Variants in KATNA1 observed in about 807,000 individuals in gnomAD.
The protein encoded by KATNA1 is katanin catalytic subunit A1, also known as katanin p60 ATPase-containing subunit A1.
A neutral mutation model predicts 62.6 loss-of-function variants in KATNA1; 42 were observed. That is an observed-to-expected ratio of 0.67 (90% CI 0.52 to 0.87). The LOEUF (loss-of-function observed/expected upper bound fraction) is 0.87, where lower values mean the gene tolerates loss of function less well. KATNA1 is among the 40% of genes least tolerant of loss of function. The pLI, the probability that KATNA1 is intolerant of heterozygous loss-of-function variation, is 0.00. For synonymous variants in KATNA1, 186 were observed against 201.9 expected (o/e 0.92, Z 0.67); for missense variants, 498 against 612.5 (o/e 0.81, Z 1.97).
chr6:149,606,492 A>G (rs1433685031), intron 4 of KATNA1, among the ~76,000 whole-genome samples: 7 of 152,206 alleles, frequency 4.6e-5, no homozygotes, highest in Non-Finnish European at 8.8e-5. Flanking sequence ...ATTAATGTCC[A>G]GACTTAACCA....
At chr6:149,619,576 G>A (rs1239288879) in intron 4 of KATNA1, among the ~76,000 whole-genome samples, 3 of 151,476 alleles carry the variant, frequency 2.0e-5, no homozygotes, top group Non-Finnish European at 2.9e-5. Context: ...TGATGCCACT[G>A]CACTCCAGCC....
Position 149,623,258 on chromosome 6 carries a change from G to A in KATNA1, c.346C>T (p.Gln116Ter). 3.1e-6 allele frequency: 5 copies of A among 1,599,572 alleles called. No homozygotes were observed. The highest frequency in any genetic ancestry group is 4.2e-6 in the Non-Finnish European group (5 of 1,176,564). The change falls in exon 4 of 11, where the codon CAA becomes TAA. Residue 116 changes from glutamine (Q) to a stop codon, truncating the protein, a stop_gained. Transcript: ENST00000367411. LOFTEE classifies it high-confidence loss of function. ...TTAGGGTCACTGTACTGAGAAGATT[G>A]GCGTTTTCTAGGTCCTGGTGAGGGT... ...RRPSPGPRKR[Q>*]SSQYSDPKSH...
intron 1 of KATNA1, among the ~76,000 whole-genome samples, chr6:149,641,593 C>T (rs1780293846): frequency 6.6e-6 from 1 of 152,126 alleles, no homozygotes; most frequent in Admixed American, 6.6e-5. Context: ...CTGAAATCAT[C>T]TCAACTGAAT....
At chr6:149,623,021 A>G (rs1779462065) in intron 4 of KATNA1, 82 bp downstream of exon 4, 1 of 1,143,250 alleles carries the variant, frequency 8.7e-7, no homozygotes, top group African/African-American at 1.6e-5. Context: ...AAGGAAAAAA[A>G]GAAAAAATAA....
At chr6:149,625,848 C>T (rs1336692184) in intron 3 of KATNA1, among the ~76,000 whole-genome samples, 1 of 151,626 alleles carries the variant, frequency 6.6e-6, no homozygotes, top group East Asian at 1.9e-4. Context: ...GCATGAAAAT[C>T]GCTTGAACCC....
rs1562306466 is a variant in KATNA1, at chr6:149,645,461, A to AC, written c.-14+3007_-14+3008insG. On this transcript the variant is annotated intron_variant, in intron 1 of 10. Transcript: ENST00000367411. ...CCATCTCAAAAAACAAAAAACAAAA[A>AC]AAAAAAAAAGAAAGAAAAAAAAGCT... is the stretch of plus-strand genomic sequence containing the variant. Among the ~76,000 whole-genome samples, 16 of 151,538 alleles carry AC rather than the reference A, an allele frequency of 1.1e-4. No homozygotes were observed. In the South Asian group the frequency reaches 2.5e-3, roughly 24 times the overall value.
At chr6:149,618,139 G>A (rs576826723) in intron 4 of KATNA1, among the ~76,000 whole-genome samples, 189 of 141,590 alleles carry the variant, frequency 1.3e-3, no homozygotes, top group African/African-American at 4.9e-3. Context: ...TGGTGACAGA[G>A]CAAGACTCCA....
At chr6:149,602,652 A>T (rs1778590813) in intron 6 of KATNA1, among the ~76,000 whole-genome samples, 1 of 151,952 alleles carries the variant, frequency 6.6e-6, no homozygotes, top group Admixed American at 6.6e-5. Flanking sequence ...TATAAAATGG[A>T]GTGTTTTTGC....
At chr6:149,629,215 G>A (rs1779741092) in intron 3 of KATNA1, among the ~76,000 whole-genome samples, 1 of 152,094 alleles carries the variant, frequency 6.6e-6, no homozygotes, top group Non-Finnish European at 1.5e-5. Context: ...ACTGAGAGGA[G>A]TTACAGGACT....
At chr6:149,623,851 C>A (rs1284579143) in intron 3 of KATNA1, among the ~76,000 whole-genome samples, 3 of 151,990 alleles carry the variant, frequency 2.0e-5, no homozygotes. Context: ...ATGGTCACCT[C>A]TACTTAGAAA....
At chr6:149,607,658 T>A (rs1185073684) in intron 4 of KATNA1, among the ~76,000 whole-genome samples, 3 of 151,936 alleles carry the variant, frequency 2.0e-5, no homozygotes, top group Admixed American at 2.0e-4. Context: ...CAGTAACCAG[T>A]AGGAAGTGGA....
intron 3 of KATNA1, among the ~76,000 whole-genome samples, chr6:149,628,649 G>A (rs1409584205): frequency 2.0e-5 from 3 of 151,428 alleles, no homozygotes; most frequent in East Asian, 2.0e-4. Flanking sequence ...GTGAAACCCC[G>A]TCTCTACTAA....
At position 149,630,930 on chromosome 6, in the gene KATNA1, C is replaced by A. The variant is rs557135063; in HGVS notation, c.320+1829G>T. ...ATCTAGGTTCAAATCCTAGCTCTAC[C>A]ATTTATCAGTTTTGTGATAGTGGGG... On this transcript the variant is annotated intron_variant, in intron 3 of 10. Transcript: ENST00000367411. 6.7e-3 allele frequency among the ~76,000 whole-genome samples: 1,014 copies of A among 152,262 alleles called. 9 individuals are homozygous for A. The highest frequency in any genetic ancestry group is 0.023 in the African/African-American group (958 of 41,546).
At chr6:149,619,442 G>A (rs866454002) in intron 4 of KATNA1, among the ~76,000 whole-genome samples, 6 of 152,098 alleles carry the variant, frequency 3.9e-5, no homozygotes, top group Middle Eastern at 3.4e-3. Context: ...GTGAAACCCC[G>A]TCTCTACTAA....
At chr6:149,608,380 G>A (rs1323357845) in intron 4 of KATNA1, among the ~76,000 whole-genome samples, 3 of 152,096 alleles carry the variant, frequency 2.0e-5, no homozygotes, top group Non-Finnish European at 4.4e-5. Context: ...CCGGCAACCT[G>A]GATACGCCAA....
chr6:149,625,273 G>A (rs749446563), intron 3 of KATNA1, among the ~76,000 whole-genome samples: 1 of 152,168 alleles, frequency 6.6e-6, no homozygotes, highest in Non-Finnish European at 1.5e-5. Flanking sequence ...AAATATCACT[G>A]AGACATGAGA....
At chr6:149,641,789 G>A (rs1023783617) in intron 1 of KATNA1, among the ~76,000 whole-genome samples, 11 of 152,334 alleles carry the variant, frequency 7.2e-5, no homozygotes, top group African/African-American at 2.6e-4. Flanking sequence ...ACAAGAAAAT[G>A]AGGACAGAGC....
chr6:149,596,085 A>G (rs1012977539), intron 10 of KATNA1, among the ~76,000 whole-genome samples: 4 of 152,238 alleles, frequency 2.6e-5, no homozygotes, highest in Admixed American at 1.3e-4. Context: ...CAAGACAATT[A>G]CTGATTTTCT....
intron 4 of KATNA1, among the ~76,000 whole-genome samples, chr6:149,606,955 C>A (rs1778763951): frequency 6.6e-6 from 1 of 152,084 alleles, no homozygotes; most frequent in South Asian, 2.1e-4. Flanking sequence ...AGAAGATAAT[C>A]TTTTCTTCAA....
Sources: allele counts gnomAD v4.1 joint callset (sites outside exome capture counted in the v4.1 genomes callset), GRCh38; gene constraint gnomAD v4.1.1; transcripts MANE v1.5; gene names NCBI Gene and HGNC (gene_info 2026-07-23, HGNC 2026-07-21).